ADAMTS8: variants seen among roughly 807,000 people sequenced by gnomAD.
ADAMTS8 encodes A disintegrin and metalloproteinase with thrombospondin motifs 8.
Under a neutral mutation model 64.4 loss-of-function variants are expected in ADAMTS8, and 50 were observed. That is an observed-to-expected ratio of 0.78 (90% CI 0.62 to 0.98). The LOEUF (loss-of-function observed/expected upper bound fraction) is 0.98, where lower values mean the gene tolerates loss of function less well. Ranked by LOEUF, ADAMTS8 falls within the 50% of genes least tolerant of loss-of-function variation. The pLI is 0.00. For missense variants in ADAMTS8, 1,192 were observed against 1,208.2 expected, an observed-to-expected ratio of 0.99 and a Z score of 0.20; for synonymous variants, 556 against 533.6, an observed-to-expected ratio of 1.04 and a Z score of -0.58.
In ADAMTS8 at chr11:130,416,068, G is replaced by T; in HGVS notation, c.1264+95C>A. 1 of 1,396,786 alleles carries T rather than the reference G, an allele frequency of 7.2e-7. No homozygotes were observed. Among genetic ancestry groups the T allele is most frequent in the Non-Finnish European group, 9.5e-7 (1 of 1,052,052 alleles). The allele number at this position is 1,396,786 out of a possible 1,614,324, so 86.5% of individuals were successfully genotyped here. A position where few individuals can be genotyped will look rare whatever the true frequency, so the allele number is the denominator to read the frequency against. Reference sequence around the variant, plus strand: ...GCTGGCCGGGGACTCAGCTCTAAGGGCCCTGTGAGGAGGCACAGCTGGAGG... The same window carrying T: ...GCTGGCCGGGGACTCAGCTCTAAGGTCCCTGTGAGGAGGCACAGCTGGAGG... On this transcript the variant is annotated intron_variant, in intron 4 of 8. Transcript: ENST00000257359. The surrounding 1 kb of genome is among the most constrained non-coding windows in gnomAD (Gnocchi z 4.8).
intron 5 of ADAMTS8, chr11:130,412,036 C>T (rs146208466): frequency 5.7e-6 from 1 of 174,982 alleles, no homozygotes; most frequent in Non-Finnish European, 1.2e-5. Context: ...GGGTAGAGGC[C>T]AGTGATGCTG....
chr11:130,422,643 G>C (rs1433934018), intron 1 of ADAMTS8, among the ~76,000 whole-genome samples: 1 of 152,228 alleles, frequency 6.6e-6, no homozygotes, highest in Non-Finnish European at 1.5e-5. Flanking sequence ...GAGGAGAAAA[G>C]AGCAACCTGC....
At chr11:130,408,363 A>G in intron 8 of ADAMTS8, 101 bp downstream of exon 8, 4 of 1,400,566 alleles carry the variant, frequency 2.9e-6, no homozygotes, top group Non-Finnish European at 3.9e-6. Context: ...CAACCCTCAC[A>G]GCTATTAAGT....
intron 6 of ADAMTS8, among the ~76,000 whole-genome samples, chr11:130,410,188 C>T (rs867199104): frequency 5.9e-5 from 9 of 152,142 alleles, no homozygotes; most frequent in African/African-American, 1.7e-4. Flanking sequence ...TTTCTCCGAG[C>T]GCCTCACCAA....
intron 1 of ADAMTS8, among the ~76,000 whole-genome samples, chr11:130,420,261 G>C (rs1230237208): frequency 6.6e-6 from 1 of 152,166 alleles, no homozygotes; most frequent in Non-Finnish European, 1.5e-5. Context: ...TTCCACCCAG[G>C]CTGGCCAACA....
intron 1 of ADAMTS8, among the ~76,000 whole-genome samples, chr11:130,419,671 C>T (rs1296591378): frequency 6.6e-6 from 1 of 152,240 alleles, no homozygotes; most frequent in African/African-American, 2.4e-5. Context: ...TCATATATGG[C>T]TCGTGGCTAC....
At chr11:130,421,751 G>A (rs1282457707) in intron 1 of ADAMTS8, among the ~76,000 whole-genome samples, 1 of 152,192 alleles carries the variant, frequency 6.6e-6, no homozygotes, top group African/African-American at 2.4e-5. Context: ...TCAGGGCTGT[G>A]AGCCTTTGAT....
At chr11:130,419,424 C>A in intron 1 of ADAMTS8, 132 bp from the exon 2 acceptor site, 1 of 1,264,702 alleles carries the variant, frequency 7.9e-7, no homozygotes, top group Non-Finnish European at 1.1e-6. Flanking sequence ...CACAATACCC[C>A]CGAGGTCTCC....
intron 1 of ADAMTS8, among the ~76,000 whole-genome samples, chr11:130,421,525 C>G (rs1178730081): frequency 6.6e-6 from 1 of 152,284 alleles, no homozygotes; most frequent in Non-Finnish European, 1.5e-5. Flanking sequence ...TTTTCATTTT[C>G]AAGAAGGCTA....
Position 130,405,802 on chromosome 11 carries a change from G to A in ADAMTS8, c.2426C>T (p.Pro809Leu), listed in dbSNP as rs1371425232. The A allele has an allele frequency of 6.2e-7, 1 of 1,614,088 alleles. No homozygotes were observed. The highest frequency in any genetic ancestry group is 1.1e-5 in the South Asian group (1 of 91,092). The change falls in exon 9 of 9, where the codon CCT (proline) becomes CTT (leucine). Residue 809 changes from proline to leucine, a missense_variant. By Grantham distance (98) the Pro-to-Leu change is moderately conservative. Coordinates refer to ENST00000257359, the MANE Select transcript of ADAMTS8 (RefSeq NM_007037.6). ...CTGCATGCTAAAGTCCACGTCATTA[G>A]GAACAAAGAAGGTGTATTTGACTTT... ...PPKVKYTFFV[P>L]NDVDFSMQSS...
chr11:130,406,902 C>T (rs551720462), intron 8 of ADAMTS8, among the ~76,000 whole-genome samples: 44 of 152,176 alleles, frequency 2.9e-4, no homozygotes, highest in South Asian at 2.1e-4. Context: ...AGTGGTCAGG[C>T]GGGCTTTTTG....
In ADAMTS8 at chr11:130,428,011, C is replaced by A; in HGVS notation, c.276G>T (p.Gly92=). The A allele has an allele frequency of 6.6e-7, 1 of 1,526,046 alleles. No individual in the cohort carries two copies. Among genetic ancestry groups the A allele is most frequent in the African/African-American group, 1.4e-5 (1 of 71,288 alleles). 94.5% of individuals were successfully genotyped at this position (1,526,046 alleles called of 1,614,324 possible). A position where few individuals can be genotyped will look rare whatever the true frequency, so the allele number is the denominator to read the frequency against. Residue 92 remains glycine, a synonymous_variant, in exon 1 of 9, where the codon GGG becomes GGT. Transcript: ENST00000257359. ...AGCAGCCGCGCAGCCCCCGCTCGCC[C>A]CCGGTCGCCCGGCCGGAGCCCCCGA... is the stretch of plus-strand genomic sequence containing the variant. ...ERLGGSGRAT[G]GERGLRGCFF... is the part of the protein sequence containing the mutation.
At chr11:130,407,050 T>G (rs1389285221) in intron 8 of ADAMTS8, among the ~76,000 whole-genome samples, 4 of 152,198 alleles carry the variant, frequency 2.6e-5, no homozygotes, top group Non-Finnish European at 2.9e-5. Flanking sequence ...TCTCTTTTTC[T>G]ATGTCTTTTG....
intron 1 of ADAMTS8, among the ~76,000 whole-genome samples, chr11:130,423,250 G>A (rs1387787367): frequency 6.6e-6 from 1 of 152,208 alleles, no homozygotes; most frequent in Non-Finnish European, 1.5e-5. Flanking sequence ...TGGACACTGA[G>A]ACATTTTCTT....
At position 130,427,813 on chromosome 11, in the gene ADAMTS8, G is replaced by A; in HGVS notation, c.474C>T (p.Ala158=). 1.3e-6 allele frequency: 2 copies of A among 1,562,040 alleles called. No homozygotes were observed. Among genetic ancestry groups the A allele is most frequent in the Admixed American group, 1.9e-5 (1 of 54,028 alleles). ...ACTCGGGTCCTCGCGGGAGGGGGCG[G>A]GCTCCGGCGGGACCCCAGCGCTGCA... ...HRLQRWGPAG[A]RPLPRGPEWE... Residue 158 remains alanine, a synonymous_variant, in exon 1 of 9, where the codon GCC becomes GCT. Transcript: ENST00000257359.
At position 130,411,825 on chromosome 11, in the gene ADAMTS8, T is replaced by G; in HGVS notation, c.1567-225A>C. 1.7e-6 allele frequency: 1 copy of G among 574,866 alleles called. No individual in the cohort carries two copies. The highest frequency in any genetic ancestry group is 3.1e-6 in the Non-Finnish European group (1 of 324,878). 35.6% of individuals were successfully genotyped at this position (574,866 alleles called of 1,614,324 possible). On this transcript the variant is annotated intron_variant, in intron 5 of 8. Transcript: ENST00000257359. The surrounding 1 kb of genome is among the most constrained non-coding windows in gnomAD (Gnocchi z 4.2). ...CATTCACTACTGACTCCTCAGTGTC[T>G]AAAACAGTGCCTTATGCTTAGTAAG...
At chr11:130,410,411 C>T (rs1278935532) in intron 6 of ADAMTS8, among the ~76,000 whole-genome samples, 1 of 152,212 alleles carries the variant, frequency 6.6e-6, no homozygotes, top group Non-Finnish European at 1.5e-5. Flanking sequence ...TTTTCGTCCA[C>T]ACCTACCTTG....
Position 130,416,481 on chromosome 11 carries a change from C to A in ADAMTS8, c.1097-151G>T. On this transcript the variant is annotated intron_variant, in intron 3 of 8. Transcript: ENST00000257359. The surrounding 1 kb of genome is among the most constrained non-coding windows in gnomAD (Gnocchi z 4.8). Reference sequence around the variant, plus strand: ...GTAGGGCTTTCCCCTGCGCTTTGCTCTTCCAGGACGCGTTCTCAGATGACT... The same window carrying A: ...GTAGGGCTTTCCCCTGCGCTTTGCTATTCCAGGACGCGTTCTCAGATGACT... 5 of 889,116 alleles carry A rather than the reference C, an allele frequency of 5.6e-6. No homozygotes were observed. Among genetic ancestry groups the A allele is most frequent in the Non-Finnish European group, 8.2e-6 (5 of 607,622 alleles). 55.1% of individuals were successfully genotyped at this position (889,116 alleles called of 1,614,324 possible). A position where few individuals can be genotyped will look rare whatever the true frequency, so the allele number is the denominator to read the frequency against.
chr11:130,408,894 A>G lies in ADAMTS8; in HGVS notation c.1797T>C (p.Asn599=), dbSNP rs200370054. ...EQQCEKYNAY[N]YTDMDGNLLQ... ...GGAGATTCCCGTCCATGTCAGTGTA[A>G]TTGTAGGCATTATACTTCTCACACT... is the stretch of plus-strand genomic sequence containing the variant. Residue 599 remains asparagine, a synonymous_variant, in exon 7 of 9, where the codon AAT becomes AAC. Coordinates refer to ENST00000257359, the MANE Select transcript of ADAMTS8 (RefSeq NM_007037.6). The G allele has an allele frequency of 6.2e-7, 1 of 1,602,424 alleles. No individual in the cohort carries two copies. Among genetic ancestry groups the G allele is most frequent in the African/African-American group, 1.3e-5 (1 of 74,856 alleles).
Sources: allele counts gnomAD v4.1 joint callset (sites outside exome capture counted in the v4.1 genomes callset), GRCh38; gene constraint gnomAD v4.1.1; non-coding constraint Gnocchi (gnomAD v3.1); transcripts MANE v1.5; gene names NCBI Gene and HGNC (gene_info 2026-07-23, HGNC 2026-07-21).